DNER: variants seen among roughly 807,000 people sequenced by gnomAD.
The protein encoded by DNER is delta and Notch-like epidermal growth factor-related receptor.
A neutral mutation model predicts 78.2 loss-of-function variants in DNER; 33 were observed. That is an observed-to-expected ratio of 0.42 (90% CI 0.32 to 0.56). The LOEUF (loss-of-function observed/expected upper bound fraction) is 0.56, where lower values mean the gene tolerates loss of function less well. DNER is among the 20% of genes least tolerant of loss of function. DNER has a pLI of 0.11. For synonymous variants in DNER, 417 were observed against 384.8 expected (o/e 1.08, Z -0.98); for missense variants, 918 against 975.3 (o/e 0.94, Z 0.78).
intron 1 of DNER, among the ~76,000 whole-genome samples, chr2:229,594,624 C>T (rs1161174765): frequency 1.4e-5 from 2 of 138,162 alleles, no homozygotes; most frequent in Non-Finnish European, 3.2e-5. Context: ...AAAAAAAAAA[C>T]AGGCAGAGGA....
chr2:229,523,919 C>T (rs1484613998), intron 5 of DNER, among the ~76,000 whole-genome samples: 1 of 152,242 alleles, frequency 6.6e-6, no homozygotes, highest in African/African-American at 2.4e-5. Flanking sequence ...GTGTCATTCT[C>T]ATCATCATGA....
chr2:229,578,256 C>T (rs778989609), intron 4 of DNER, among the ~76,000 whole-genome samples: 40 of 152,238 alleles, frequency 2.6e-4, no homozygotes, highest in Non-Finnish European at 5.0e-4. Flanking sequence ...GTCCCTATCA[C>T]CCTGAGTCTT....
At chr2:229,615,736 T>G (rs796134841) in intron 1 of DNER, among the ~76,000 whole-genome samples, 6 of 152,078 alleles carry the variant, frequency 3.9e-5, no homozygotes, top group African/African-American at 1.2e-4. Flanking sequence ...AACTGTTTTG[T>G]AGAGGACAAA....
At chr2:229,697,317 G>A (rs1362025615) in intron 1 of DNER, among the ~76,000 whole-genome samples, 1 of 152,206 alleles carries the variant, frequency 6.6e-6, no homozygotes, top group Non-Finnish European at 1.5e-5. Context: ...GAGACAGAAT[G>A]CAGATTGGTG....
intron 8 of DNER, among the ~76,000 whole-genome samples, chr2:229,446,442 C>T (rs113684184): frequency 9.2e-5 from 14 of 152,216 alleles, no homozygotes; most frequent in East Asian, 1.9e-4. Flanking sequence ...GGTGGGGTAA[C>T]GGGGAGCACG....
intron 10 of DNER, among the ~76,000 whole-genome samples, chr2:229,399,477 GATATACTGGTTT>G (rs1178755067): frequency 6.6e-6 from 1 of 151,944 alleles, no homozygotes; most frequent in Non-Finnish European, 1.5e-5. Context: ...TCCCCAAATT[GATATACTGGTTT>G]ATTGTAATTC....
At position 229,358,460 on chromosome 2, in the gene DNER, T is replaced by A; in HGVS notation, c.*80A>T. 2 of 1,154,326 alleles carry A rather than the reference T, an allele frequency of 1.7e-6. No homozygotes were observed. Among genetic ancestry groups the A allele is most frequent in the Non-Finnish European group, 2.4e-6 (2 of 846,860 alleles). 71.5% of individuals were successfully genotyped at this position (1,154,326 alleles called of 1,614,324 possible). On this transcript the variant is annotated 3_prime_UTR_variant, in exon 13 of 13. Transcript: ENST00000341772. ...ACTCTTGAGCAGCTAGCATTTTAAA[T>A]TTCTTAAGCTTTTTATTTTCTTAAA...
At chr2:229,368,016 T>C (rs1010102062) in intron 11 of DNER, among the ~76,000 whole-genome samples, 1 of 152,218 alleles carries the variant, frequency 6.6e-6, no homozygotes, top group African/African-American at 2.4e-5. Context: ...GTTAATAATG[T>C]TAATATTTTA....
intron 6 of DNER, among the ~76,000 whole-genome samples, chr2:229,508,767 G>A (rs1159809493): frequency 2.6e-5 from 4 of 152,144 alleles, no homozygotes; most frequent in Non-Finnish European, 5.9e-5. Context: ...TGTAGTCCCA[G>A]CTACTCGGGA....
chr2:229,714,527 C>T lies in DNER; in HGVS notation c.-104G>A. 1 of 1,048,210 alleles carries T rather than the reference C, an allele frequency of 9.5e-7. No individual in the cohort carries two copies. The highest frequency in any genetic ancestry group is 1.1e-6 in the Non-Finnish European group (1 of 871,650). The allele number at this position is 1,048,210 out of a possible 1,614,324, so 64.9% of individuals were successfully genotyped here. A position where few individuals can be genotyped will look rare whatever the true frequency, so the allele number is the denominator to read the frequency against. On this transcript the variant is annotated 5_prime_UTR_variant, in exon 1 of 13. Coordinates refer to ENST00000341772, the MANE Select transcript of DNER (RefSeq NM_139072.4). ...AGAGCGACGGTGGCGGCTAGGGCTG[C>T]TCCGCCGGGCCGGGCGCCTCCTGCA...
intron 1 of DNER, among the ~76,000 whole-genome samples, chr2:229,623,017 T>C (rs1179897259): frequency 6.6e-6 from 1 of 152,204 alleles, no homozygotes; most frequent in Non-Finnish European, 1.5e-5. Flanking sequence ...GGTCAACCGT[T>C]GGTTTGTGCC....
intron 8 of DNER, among the ~76,000 whole-genome samples, chr2:229,441,276 C>T (rs975007776): frequency 6.6e-6 from 1 of 150,596 alleles, no homozygotes; most frequent in Non-Finnish European, 1.5e-5. Context: ...AACTATTGTT[C>T]ATATAAAAAT....
At chr2:229,366,144 T>C (rs956963016) in intron 12 of DNER, among the ~76,000 whole-genome samples, 7 of 152,204 alleles carry the variant, frequency 4.6e-5, no homozygotes, top group African/African-American at 1.7e-4. Flanking sequence ...GTAACCAACC[T>C]GCTCATCCTG....
At chr2:229,586,507 GTAAAAAAAAAAAAAA>G (rs1559174427) in intron 3 of DNER, among the ~76,000 whole-genome samples, 3 of 9,830 alleles carry the variant, frequency 3.1e-4, no homozygotes, top group African/African-American at 5.1e-4. Context: ...CTCATTTTTG[GTAAAAAAAAAAAAAA>G]AAAAAAAAAA....
chr2:229,457,255 T>TG (rs1694596002), intron 7 of DNER, among the ~76,000 whole-genome samples: 1 of 152,070 alleles, frequency 6.6e-6, no homozygotes, highest in South Asian at 2.1e-4. Flanking sequence ...AATGGCAGTC[T>TG]GGGGGAGTAA....
intron 6 of DNER, among the ~76,000 whole-genome samples, chr2:229,481,173 G>C (rs575737569): frequency 6.6e-6 from 1 of 152,168 alleles, no homozygotes; most frequent in Non-Finnish European, 1.5e-5. Context: ...CAGTTGCTTG[G>C]TGCGAGCGTT....
chr2:229,552,303 C>A (rs952027916), intron 4 of DNER, among the ~76,000 whole-genome samples: 5 of 152,212 alleles, frequency 3.3e-5, no homozygotes, highest in African/African-American at 1.2e-4. Flanking sequence ...AACCTACAGG[C>A]AGGTGTTTCA....
At chr2:229,523,446 T>C (rs1696141339) in intron 5 of DNER, among the ~76,000 whole-genome samples, 1 of 152,188 alleles carries the variant, frequency 6.6e-6, no homozygotes, top group African/African-American at 2.4e-5. Context: ...CGTGGCCATC[T>C]CCTCCCCGTG....
chr2:229,574,884 T>G (rs1164456873), intron 4 of DNER, among the ~76,000 whole-genome samples: 2 of 152,162 alleles, frequency 1.3e-5, no homozygotes, highest in Non-Finnish European at 2.9e-5. Flanking sequence ...AATTACTTTC[T>G]TAGTTGAAAT....
Sources: gnomAD v4.1 joint callset for allele counts (sites outside exome capture counted in the v4.1 genomes callset) on GRCh38, gnomAD v4.1.1 for gene constraint, MANE v1.5 for transcripts, NCBI Gene and HGNC (gene_info 2026-07-23, HGNC 2026-07-21) for gene names.